DROSHA: variants seen among roughly 807,000 people sequenced by gnomAD.
DROSHA encodes the protein drosha ribonuclease III.
Under a neutral mutation model 181.9 loss-of-function variants are expected in DROSHA, and 56 were observed. The ratio of observed to expected loss-of-function variants is 0.31; its 90% confidence interval spans 0.25 to 0.38. DROSHA has a LOEUF of 0.38. DROSHA is among the 10% of genes least tolerant of loss of function. The pLI is 1.00. For missense variants in DROSHA, 1,218 were observed against 1,743.5 expected (o/e 0.70, Z 5.37); for synonymous variants, 524 against 591.2 (o/e 0.89, Z 1.65).
At chr5:31,446,451 A>AAAAAAAAAC (rs1746305008) in intron 23 of DROSHA, among the ~76,000 whole-genome samples, 1 of 150,414 alleles carries the variant, frequency 6.6e-6, no homozygotes, top group Non-Finnish European at 1.5e-5. Context: ...TGTCTCAAAA[A>AAAAAAAAAC]AAAAAAAAAA....
chr5:31,457,727 A>C (rs1747842597), intron 20 of DROSHA, among the ~76,000 whole-genome samples: 1 of 152,038 alleles, frequency 6.6e-6, no homozygotes, highest in Non-Finnish European at 1.5e-5. Flanking sequence ...CCATCTCTAC[A>C]AAAAATTGAA....
chr5:31,432,722 G>A (rs1744326004), intron 25 of DROSHA, among the ~76,000 whole-genome samples: 1 of 152,102 alleles, frequency 6.6e-6, no homozygotes, highest in Non-Finnish European at 1.5e-5. Context: ...CCCAGTTGTA[G>A]GTGTAGGGCT....
intron 23 of DROSHA, among the ~76,000 whole-genome samples, chr5:31,441,984 C>T (rs1032025595): frequency 6.6e-6 from 1 of 152,066 alleles, no homozygotes; most frequent in Non-Finnish European, 1.5e-5. Context: ...TCAAACATGA[C>T]AATAAGTCAT....
In DROSHA at chr5:31,526,611, T is replaced by A; in HGVS notation, c.322A>T (p.Arg108Trp). 6.6e-7 allele frequency: 1 copy of A among 1,514,206 alleles called. No individual in the cohort carries two copies. The highest frequency in any genetic ancestry group is 8.8e-7 in the Non-Finnish European group (1 of 1,135,298). 93.8% of individuals were successfully genotyped at this position (1,514,206 alleles called of 1,614,324 possible). Reference protein sequence around the residue: ...IRPPFPNHQMRHPFPVPPCFP... With the variant: ...IRPPFPNHQMWHPFPVPPCFP... ...CAAGGAGGAACTGGGAAGGGGTGCC[T>A]CATCTGGTGGTTGGGGAAAGGCGGC... is the stretch of plus-strand genomic sequence containing the variant. The change falls in exon 5 of 36, where the codon AGG becomes TGG. Residue 108 changes from arginine (R) to tryptophan (W), a missense_variant. By Grantham distance (101) the Arg-to-Trp change is moderately radical (BLOSUM62 -3). Coordinates refer to ENST00000344624, the MANE Select transcript of DROSHA (RefSeq NM_001382508.1).
At chr5:31,492,632 A>C (rs937197052) in intron 13 of DROSHA, among the ~76,000 whole-genome samples, 1 of 152,192 alleles carries the variant, frequency 6.6e-6, no homozygotes, top group Non-Finnish European at 1.5e-5. Context: ...AATTCCTGGG[A>C]CTGTGAGCAT....
chr5:31,454,939 CAAAAAAA>C (rs11340436), intron 20 of DROSHA, among the ~76,000 whole-genome samples: 2 of 74,346 alleles, frequency 2.7e-5, no homozygotes, highest in Admixed American at 1.5e-4. Flanking sequence ...GACTCTGTCT[CAAAAAAA>C]AAAAAAAAAA....
At chr5:31,517,391 T>TA (rs1162557077) in intron 6 of DROSHA, among the ~76,000 whole-genome samples, 8 of 152,116 alleles carry the variant, frequency 5.3e-5, no homozygotes, top group African/African-American at 1.9e-4. Flanking sequence ...ATCCCAAGGT[T>TA]AAAAAAAGAT....
At chr5:31,501,339 C>T (rs1226099617) in intron 11 of DROSHA, among the ~76,000 whole-genome samples, 1 of 152,018 alleles carries the variant, frequency 6.6e-6, no homozygotes, top group Non-Finnish European at 1.5e-5. Flanking sequence ...GTGGTCCTTC[C>T]CCTGGTCCTT....
intron 20 of DROSHA, among the ~76,000 whole-genome samples, chr5:31,463,332 C>T (rs926701189): frequency 2.0e-5 from 3 of 152,116 alleles, no homozygotes; most frequent in African/African-American, 7.2e-5. Flanking sequence ...TACTTTTAAA[C>T]CCTGCTAGTC....
chr5:31,497,053 C>T (rs967969194), intron 11 of DROSHA, among the ~76,000 whole-genome samples: 14 of 152,182 alleles, frequency 9.2e-5, no homozygotes, highest in Admixed American at 1.3e-4. Flanking sequence ...CCCGTGCACT[C>T]GGGATCATCA....
chr5:31,480,178 G>GTATATATATAGATATATATATATA (rs1750858807), intron 16 of DROSHA, among the ~76,000 whole-genome samples: 1 of 84,870 alleles, frequency 1.2e-5, no homozygotes, highest in South Asian at 4.6e-4. Context: ...GGCAATGTCA[G>GTATATATATAGATATATATATATA]TATATATATA....
Position 31,506,119 on chromosome 5 carries a change from G to A in DROSHA, c.1588-1484C>T, listed in dbSNP as rs539480754. ...CACACGCCTGTAATCCCAGCACTTT[G>A]GGATGCTGAGGCGGACGGATCACCT... On this transcript the variant is annotated intron_variant, in intron 10 of 35. Coordinates refer to ENST00000344624, the MANE Select transcript of DROSHA (RefSeq NM_001382508.1). Among the ~76,000 whole-genome samples, 9 of 152,272 alleles carry A rather than the reference G, an allele frequency of 5.9e-5. No individual in the cohort carries two copies. In the East Asian group the frequency reaches 1.7e-3, roughly 29 times the overall value.
chr5:31,437,761 G>T (rs766805567), intron 23 of DROSHA, among the ~76,000 whole-genome samples: 1 of 152,008 alleles, frequency 6.6e-6, no homozygotes, highest in African/African-American at 2.4e-5. Flanking sequence ...TGTAATCTAC[G>T]TTTTCAGTCT....
rs1741492647 is a variant in DROSHA, at chr5:31,532,060, A to G, written c.-320T>C. ...AGGCTACTACCGCAGGTACCAAGACAGTGGCACCGCCCGCGCCTCCGGAAC... is the reference window on the plus strand; with the variant it reads ...AGGCTACTACCGCAGGTACCAAGACGGTGGCACCGCCCGCGCCTCCGGAAC... On this transcript the variant is annotated 5_prime_UTR_variant, in exon 1 of 36. Transcript: ENST00000344624. 2.6e-6 allele frequency: 1 copy of G among 379,420 alleles called. No individual in the cohort carries two copies. Among genetic ancestry groups the G allele is most frequent in the South Asian group, 2.4e-5 (1 of 41,132 alleles). 23.5% of individuals were successfully genotyped at this position (379,420 alleles called of 1,614,324 possible).
chr5:31,529,243 T>C, intron 3 of DROSHA, 138 bp from the exon 4 acceptor site: 1 of 715,858 alleles, frequency 1.4e-6, no homozygotes, highest in Non-Finnish European at 2.3e-6. Context: ...AAAAGCATGT[T>C]GAACTGTGTT....
intron 11 of DROSHA, among the ~76,000 whole-genome samples, chr5:31,503,565 G>A (rs1737551515): frequency 6.6e-6 from 1 of 152,202 alleles, no homozygotes; most frequent in Admixed American, 6.5e-5. Flanking sequence ...GGGGTACTTT[G>A]CTCTGGGGAC....
chr5:31,525,208 G>A (rs1740376070), intron 5 of DROSHA, among the ~76,000 whole-genome samples: 1 of 151,762 alleles, frequency 6.6e-6, no homozygotes, highest in African/African-American at 2.4e-5. Flanking sequence ...GTGCACGCCT[G>A]TAATCCCAGC....
Position 31,466,172 on chromosome 5 carries a change from T to C in DROSHA, c.2466+10A>G, listed in dbSNP as rs1748989356. The C allele has an allele frequency of 6.2e-7, 1 of 1,613,088 alleles. No homozygotes were observed. The highest frequency in any genetic ancestry group is 2.2e-5 in the East Asian group (1 of 44,826). On this transcript the variant is annotated intron_variant, in intron 19 of 35. Transcript: ENST00000344624. ...TCGTTAATCACCAAGGAATGGAGTT[T>C]GATACAGACCTCCCTCTGTGCCAGC...
At chr5:31,525,329 C>CAAAA (rs34043904) in intron 5 of DROSHA, among the ~76,000 whole-genome samples, 12 of 46,044 alleles carry the variant, frequency 2.6e-4, no homozygotes, top group East Asian at 1.8e-3. Context: ...GACTTCATCT[C>CAAAA]AAAAAAAAAA....
Sources: gnomAD v4.1 joint callset for allele counts (sites outside exome capture counted in the v4.1 genomes callset) on GRCh38, gnomAD v4.1.1 for gene constraint, MANE v1.5 for transcripts, NCBI Gene and HGNC (gene_info 2026-07-23, HGNC 2026-07-21) for gene names.